PCDHA10: variants seen among roughly 807,000 people sequenced by gnomAD.
PCDHA10 encodes the protein protocadherin alpha 10.
In PCDHA10, 45 loss-of-function variants were observed where a neutral mutation model predicts 61.2. The ratio of observed to expected loss-of-function variants is 0.74; its 90% CI spans 0.58 to 0.94. The LOEUF (loss-of-function observed/expected upper bound fraction) is 0.94. Ranked by LOEUF, PCDHA10 falls within the 40% of genes least tolerant of loss-of-function variation. The pLI, the probability that PCDHA10 is intolerant of heterozygous loss-of-function variation, is 0.00. For missense variants in PCDHA10, 1,278 were observed against 1,236.2 expected (o/e 1.03, Z -0.51); for synonymous variants, 602 against 548.8 (o/e 1.10, Z -1.35).
chr5:140,930,892 TTTAAC>T, intron 1 of PCDHA10, among the ~76,000 whole-genome samples: 1 of 152,332 alleles, frequency 6.6e-6, no homozygotes, highest in African/African-American at 2.4e-5. Context: ...AGGGAAAAAC[TTTAAC>T]TTACTTTTCT....
chr5:140,892,757 A>G lies in PCDHA10; in HGVS notation c.2388+34321A>G, dbSNP rs140291258. 8.0e-3 allele frequency among the ~76,000 whole-genome samples: 1,217 copies of G among 152,310 alleles called. 7 individuals carry two copies. Among genetic ancestry groups the G allele is most frequent in the African/African-American group, 0.019 (784 of 41,562 alleles). ...CCATTTTTGCATGGTGAACATTTAA[A>G]ATCCACTCTTCTAGCTTCTTGAAAA... On this transcript the variant is annotated intron_variant, in intron 1 of 3. Transcript: ENST00000307360.
intron 1 of PCDHA10, among the ~76,000 whole-genome samples, chr5:140,889,730 A>C (rs1554184026): frequency 6.6e-6 from 1 of 152,198 alleles, no homozygotes; most frequent in East Asian, 1.9e-4. Flanking sequence ...TGTCTCACTG[A>C]GTAGCAGAGT....
intron 1 of PCDHA10, chr5:140,861,415 G>T (rs1400394792): frequency 4.2e-6 from 2 of 475,856 alleles, no homozygotes; most frequent in Non-Finnish European, 8.6e-6. Context: ...CTGATACCGC[G>T]CCTGTTTCAG....
chr5:140,879,467 C>T (rs1331120758), intron 1 of PCDHA10, among the ~76,000 whole-genome samples: 1 of 152,040 alleles, frequency 6.6e-6, no homozygotes, highest in Admixed American at 6.6e-5. Context: ...TAAGAGAATA[C>T]CGTTGTGATT....
chr5:140,965,879 G>C (rs920261632), intron 1 of PCDHA10, among the ~76,000 whole-genome samples: 1 of 152,216 alleles, frequency 6.6e-6, no homozygotes, highest in Non-Finnish European at 1.5e-5. Flanking sequence ...ACTTGGCCGA[G>C]AGCAGAATTG....
chr5:140,876,154 A>C, intron 1 of PCDHA10: 2 of 1,613,972 alleles, frequency 1.2e-6, no homozygotes, highest in Non-Finnish European at 1.7e-6. Flanking sequence ...GTCTGTCCAG[A>C]TTCAAATAAC....
In PCDHA10 at chr5:140,857,132, G is replaced by C; in HGVS notation, c.1084G>C (p.Ala362Pro). The C allele has an allele frequency of 6.3e-7, 1 of 1,598,262 alleles. No homozygotes were observed. Among genetic ancestry groups the C allele is most frequent in the Non-Finnish European group, 8.6e-7 (1 of 1,167,782 alleles). Residue 362 changes from alanine (A) to proline (P), a missense_variant, in exon 1 of 4, where the codon GCT becomes CCT. Coordinates refer to ENST00000307360, the MANE Select transcript of PCDHA10 (RefSeq NM_018901.4). ...TSLSLPVKEDAQVGTVIALIS... is the reference protein window; with the variant it reads ...TSLSLPVKEDPQVGTVIALIS... ...TCTGTCTCTCCCAGTGAAAGAAGATGCTCAAGTGGGCACCGTCATTGCCCT... is the reference window on the plus strand; with the variant it reads ...TCTGTCTCTCCCAGTGAAAGAAGATCCTCAAGTGGGCACCGTCATTGCCCT...
intron 1 of PCDHA10, among the ~76,000 whole-genome samples, chr5:140,920,933 C>G (rs1293177470): frequency 6.6e-6 from 1 of 151,360 alleles, no homozygotes; most frequent in Non-Finnish European, 1.5e-5. Flanking sequence ...GGTGATCTAG[C>G]CCTTTCATTC....
chr5:140,885,603 T>G (rs2060651521), intron 1 of PCDHA10, among the ~76,000 whole-genome samples: 1 of 152,202 alleles, frequency 6.6e-6, no homozygotes, highest in South Asian at 2.1e-4. Context: ...ATATTAATAA[T>G]TTTAATTATA....
At chr5:140,963,871 T>A (rs2095795562) in intron 1 of PCDHA10, among the ~76,000 whole-genome samples, 1 of 152,238 alleles carries the variant, frequency 6.6e-6, no homozygotes, top group Non-Finnish European at 1.5e-5. Context: ...GAGTTTTGCT[T>A]ACTATTGTTT....
At chr5:141,007,402 A>G in intron 3 of PCDHA10, among the ~76,000 whole-genome samples, 2 of 149,740 alleles carry the variant, frequency 1.3e-5, no homozygotes. Context: ...ATACAAAAAA[A>G]AAAAAAAAAA....
chr5:140,946,731 G>T (rs1183627101), intron 1 of PCDHA10, among the ~76,000 whole-genome samples: 1 of 150,574 alleles, frequency 6.6e-6, no homozygotes, highest in African/African-American at 2.5e-5. Flanking sequence ...AATAAGCCAG[G>T]CACAGAAAGA....
chr5:140,937,130 C>T (rs899242411), intron 1 of PCDHA10, among the ~76,000 whole-genome samples: 12 of 151,674 alleles, frequency 7.9e-5, no homozygotes, highest in Non-Finnish European at 1.3e-4. Flanking sequence ...CTCCGCCTCC[C>T]GGGTTCATGC....
chr5:140,997,675 TG>T (rs1554255972), intron 3 of PCDHA10, among the ~76,000 whole-genome samples: 41 of 151,686 alleles, frequency 2.7e-4, no homozygotes, highest in African/African-American at 9.7e-4. Flanking sequence ...AGCTTGTGTG[TG>T]TGTGTGTGTG....
chr5:140,881,538 C>A (rs879991805), intron 1 of PCDHA10, among the ~76,000 whole-genome samples: 1 of 152,196 alleles, frequency 6.6e-6, no homozygotes, highest in Middle Eastern at 3.2e-3. Flanking sequence ...TGACTGAACA[C>A]TTTCTTTTGA....
At chr5:140,976,666 A>G (rs1260651584) in intron 1 of PCDHA10, among the ~76,000 whole-genome samples, 4 of 152,188 alleles carry the variant, frequency 2.6e-5, no homozygotes, top group African/African-American at 9.6e-5. Flanking sequence ...CAAAGTTCAG[A>G]TGTCTCATTT....
At chr5:140,918,324 A>G (rs782356672) in intron 1 of PCDHA10, among the ~76,000 whole-genome samples, 1 of 152,058 alleles carries the variant, frequency 6.6e-6, no homozygotes, top group Non-Finnish European at 1.5e-5. Flanking sequence ...ATAAAATTAT[A>G]TTGTCTGCTA....
chr5:140,870,017 G>T, intron 1 of PCDHA10: 1 of 1,613,620 alleles, frequency 6.2e-7, no homozygotes, highest in Non-Finnish European at 8.5e-7. Flanking sequence ...AGGGTCAATG[G>T]AACTTTAGAT....
chr5:140,928,587 C>T, intron 1 of PCDHA10: 1 of 1,614,228 alleles, frequency 6.2e-7, no homozygotes. Flanking sequence ...ATGGTTCTGT[C>T]CCAGTGGAAA....
Sources: allele counts gnomAD v4.1 joint callset (sites outside exome capture counted in the v4.1 genomes callset), GRCh38; gene constraint gnomAD v4.1.1; transcripts MANE v1.5; gene names NCBI Gene and HGNC (gene_info 2026-07-23, HGNC 2026-07-21).